The following SGCZ variants were observed in gnomAD, a reference collection of about 807,000 sequenced individuals.
SGCZ encodes sarcoglycan zeta, also known as zeta-sarcoglycan.
A neutral mutation model predicts 41.3 loss-of-function variants in SGCZ; 40 were observed. The observed-to-expected ratio is 0.97, with a 90% CI of 0.75 to 1.26. The LOEUF (loss-of-function observed/expected upper bound fraction) is 1.26, where lower values mean the gene tolerates loss of function less well. SGCZ is among the 50% of genes most tolerant of loss of function. The pLI is 0.00. For missense variants in SGCZ, 552 were observed against 369.8 expected (o/e 1.49, Z -4.04); for synonymous variants, 206 against 137.5 (o/e 1.50, Z -3.49).
chr8:14,944,941 G>T (rs1800391695), intron 1 of SGCZ, among the ~76,000 whole-genome samples: 1 of 152,110 alleles, frequency 6.6e-6, no homozygotes, highest in Non-Finnish European at 1.5e-5. Context: ...GAGCTATGCT[G>T]TTCACAGTTC....
chr8:15,034,078 A>C (rs1443528017), intron 1 of SGCZ, among the ~76,000 whole-genome samples: 1 of 148,370 alleles, frequency 6.7e-6, no homozygotes, highest in Non-Finnish European at 1.5e-5. Context: ...ACAATAGCAC[A>C]AAAGAAAACC....
intron 1 of SGCZ, among the ~76,000 whole-genome samples, chr8:14,674,613 T>A (rs1808211348): frequency 6.6e-6 from 1 of 152,178 alleles, no homozygotes; most frequent in Non-Finnish European, 1.5e-5. Flanking sequence ...AAATTTCATG[T>A]TTAATTGTAA....
intron 5 of SGCZ, among the ~76,000 whole-genome samples, chr8:14,111,054 AAAT>A (rs3068428): frequency 0.45 from 68,593 of 151,138 alleles, 16,326 homozygotes; most frequent in East Asian, 0.69. Flanking sequence ...ACTATATTAA[AAAT>A]AATAACAACA....
intron 3 of SGCZ, among the ~76,000 whole-genome samples, chr8:14,294,258 G>C (rs1471947566): frequency 6.6e-6 from 1 of 151,702 alleles, no homozygotes; most frequent in Non-Finnish European, 1.5e-5. Flanking sequence ...TTATTTGTGA[G>C]CTTCATTTGG....
At chr8:15,196,701 T>C (rs1800743604) in intron 1 of SGCZ, among the ~76,000 whole-genome samples, 1 of 152,216 alleles carries the variant, frequency 6.6e-6, no homozygotes, top group Non-Finnish European at 1.5e-5. Flanking sequence ...TAGTTACATA[T>C]GTATACGTGT....
intron 2 of SGCZ, among the ~76,000 whole-genome samples, chr8:14,525,110 TGATAGATA>T (rs71209056): frequency 5.9e-5 from 9 of 151,326 alleles, no homozygotes; most frequent in South Asian, 4.2e-4. Flanking sequence ...CATAGACAGA[TGATAGATA>T]GATAGATACA....
At chr8:14,209,939 A>G (rs7007996) in intron 4 of SGCZ, among the ~76,000 whole-genome samples, 1 of 151,952 alleles carries the variant, frequency 6.6e-6, no homozygotes, top group Non-Finnish European at 1.5e-5. Flanking sequence ...GAATAAATAC[A>G]TTTCTCATTT....
chr8:14,141,280 C>T (rs924060289), intron 5 of SGCZ, among the ~76,000 whole-genome samples: 6 of 152,110 alleles, frequency 3.9e-5, no homozygotes, highest in African/African-American at 1.4e-4. Flanking sequence ...GACTAAAACA[C>T]CAAAAGCAAT....
At chr8:14,102,035 T>G (rs1802038659) in intron 7 of SGCZ, among the ~76,000 whole-genome samples, 1 of 149,876 alleles carries the variant, frequency 6.7e-6, no homozygotes, top group Admixed American at 6.7e-5. Flanking sequence ...GCCTCCCAAG[T>G]AGCTGGGACT....
intron 1 of SGCZ, among the ~76,000 whole-genome samples, chr8:14,828,338 G>A (rs1211990982): frequency 6.6e-6 from 1 of 152,166 alleles, no homozygotes; most frequent in Admixed American, 6.5e-5. Context: ...TAATTGAAGA[G>A]AAGCAATGAT....
chr8:14,228,222 C>T lies in SGCZ; in HGVS notation c.424+9370G>A, dbSNP rs144421457. On this transcript the variant is annotated intron_variant, in intron 4 of 7. Coordinates refer to ENST00000382080, the MANE Select transcript of SGCZ (RefSeq NM_139167.4). The stretch of plus-strand genomic sequence containing the variant: ...TTCCATAAGACAATTATATATGGAA[C>T]TCCAATGCACCTGCAATTCCGACGT... 2.0e-4 allele frequency among the ~76,000 whole-genome samples: 30 copies of T among 152,136 alleles called. No individual in the cohort carries two copies. In the East Asian group the frequency reaches 5.2e-3, roughly 26 times the overall value.
chr8:14,744,690 A>G lies in SGCZ; in HGVS notation c.40-189764T>C, dbSNP rs139676960. Among the ~76,000 whole-genome samples the G allele has an allele frequency of 3.3e-4, 51 of 152,260 alleles. No homozygotes were observed. In the East Asian group the frequency reaches 9.7e-3, roughly 29 times the overall value. The stretch of plus-strand genomic sequence containing the variant: ...GAAAGCTTAATAGTAACACTTGCAG[A>G]ATGACTGAAAAAAGGGAATCTGATT... On this transcript the variant is annotated intron_variant, in intron 1 of 7. Coordinates refer to ENST00000382080, the MANE Select transcript of SGCZ (RefSeq NM_139167.4).
intron 3 of SGCZ, among the ~76,000 whole-genome samples, chr8:14,273,723 C>G (rs907549839): frequency 2.0e-4 from 31 of 151,890 alleles, no homozygotes; most frequent in Admixed American, 7.9e-4. Context: ...CAACCTTAAC[C>G]AAGAAAAGAA....
At chr8:14,268,941 G>C (rs1303505616) in intron 3 of SGCZ, among the ~76,000 whole-genome samples, 2 of 151,500 alleles carry the variant, frequency 1.3e-5, no homozygotes, top group Non-Finnish European at 2.9e-5. Context: ...AAATTATTAA[G>C]TATATATCTT....
At chr8:14,389,442 AAGAC>A (rs1804682526) in intron 2 of SGCZ, among the ~76,000 whole-genome samples, 1 of 151,584 alleles carries the variant, frequency 6.6e-6, no homozygotes, top group Non-Finnish European at 1.5e-5. Flanking sequence ...CTAAACATGA[AAGAC>A]AAAGAGAAAA....
chr8:14,831,739 AGAAG>A (rs1160996398), intron 1 of SGCZ, among the ~76,000 whole-genome samples: 1 of 150,324 alleles, frequency 6.7e-6, no homozygotes, highest in African/African-American at 2.4e-5. Flanking sequence ...AGCTGGTGTT[AGAAG>A]GAAGATCTGT....
intron 2 of SGCZ, among the ~76,000 whole-genome samples, chr8:14,424,589 A>C (rs1434528028): frequency 6.6e-6 from 1 of 151,858 alleles, no homozygotes; most frequent in East Asian, 1.9e-4. Context: ...TATCATCTAT[A>C]ATTCATATAT....
At chr8:14,281,131 C>A (rs1396809488) in intron 3 of SGCZ, among the ~76,000 whole-genome samples, 1 of 151,628 alleles carries the variant, frequency 6.6e-6, no homozygotes, top group Non-Finnish European at 1.5e-5. Context: ...TGATCACTAG[C>A]TCTAGAATTT....
At position 15,104,158 on chromosome 8, in the gene SGCZ, T is replaced by A. The variant is rs185611909; in HGVS notation, c.39+133427A>T. 7.4e-3 allele frequency among the ~76,000 whole-genome samples: 1,123 copies of A among 152,310 alleles called. 18 individuals are homozygous for A. The highest frequency in any genetic ancestry group is 0.025 in the African/African-American group (1,058 of 41,560). ...CAACACTGGATGTGCCCCCAACTTATCAAATGGTTCTGGTTTCAATAACTC... is the reference window on the plus strand; with the variant it reads ...CAACACTGGATGTGCCCCCAACTTAACAAATGGTTCTGGTTTCAATAACTC... On this transcript the variant is annotated intron_variant, in intron 1 of 7. Transcript: ENST00000382080.
Sources: allele counts gnomAD v4.1 joint callset (sites outside exome capture counted in the v4.1 genomes callset), GRCh38; gene constraint gnomAD v4.1.1; transcripts MANE v1.5; gene names NCBI Gene and HGNC (gene_info 2026-07-23, HGNC 2026-07-21).